The following KMT5A variants were observed in gnomAD, a reference collection of about 807,000 sequenced individuals.
KMT5A encodes the protein N-lysine methyltransferase KMT5A.
Under a neutral mutation model 40.6 loss-of-function variants are expected in KMT5A, and 6 were observed. That is an observed-to-expected ratio of 0.15 (90% CI 0.08 to 0.29). The LOEUF is 0.29. KMT5A is among the 10% of genes least tolerant of loss of function. The pLI is 1.00. For missense variants in KMT5A, 308 were observed against 459.1 expected (o/e 0.67, Z 3.01); for synonymous variants, 153 against 178.8 (o/e 0.86, Z 1.15).
rs184883228 is a variant in KMT5A, at chr12:123,391,203, T to C, written c.289+417T>C. 1.9e-3 allele frequency: 299 copies of C among 160,290 alleles called. 2 individuals carry two copies. Among genetic ancestry groups the C allele is most frequent in the Admixed American group, 6.0e-3 (100 of 16,730 alleles). The allele number at this position is 160,290 out of a possible 1,614,324, so 9.9% of individuals were successfully genotyped here. On this transcript the variant is annotated intron_variant, in intron 3 of 7. Coordinates refer to ENST00000402868, the MANE Select transcript of KMT5A (RefSeq NM_020382.7). ...AGCTGGCCTTGACCCCATTTCTTTTTCTTTTTTTGAGACGGATTTCCGCTC... is the reference window on the plus strand; with the variant it reads ...AGCTGGCCTTGACCCCATTTCTTTTCCTTTTTTTGAGACGGATTTCCGCTC...
chr12:123,393,263 T>G (rs1252036271), intron 3 of KMT5A, among the ~76,000 whole-genome samples: 1 of 152,070 alleles, frequency 6.6e-6, no homozygotes, highest in Non-Finnish European at 1.5e-5. Context: ...GAGTCGGTGG[T>G]TTTTAGTATA....
intron 4 of KMT5A, 73 bp downstream of exon 4, chr12:123,395,339 G>A (rs1877633234): frequency 6.8e-7 from 1 of 1,471,544 alleles, no homozygotes; most frequent in Non-Finnish European, 9.3e-7. Flanking sequence ...AGCCTGCTCA[G>A]GTGCCCATGG....
intron 2 of KMT5A, chr12:123,389,972 C>G: frequency 6.7e-6 from 3 of 445,824 alleles, no homozygotes; most frequent in South Asian, 4.8e-5. Context: ...CCGCAGTGAC[C>G]TGAACCGCCC....
At chr12:123,389,375 C>T (rs1877098754) in intron 1 of KMT5A, 58 bp from the exon 2 acceptor site, 1 of 1,012,896 alleles carries the variant, frequency 9.9e-7, no homozygotes, top group Non-Finnish European at 1.2e-6. Flanking sequence ...GCCCCGCTCC[C>T]CGCCCCGCCG....
At chr12:123,405,517 CTTTTTTTTTT>C (rs35093204) in intron 7 of KMT5A, among the ~76,000 whole-genome samples, 17 of 78,046 alleles carry the variant, frequency 2.2e-4, no homozygotes, top group African/African-American at 8.1e-4. Context: ...CGCCTGCTTC[CTTTTTTTTTT>C]TTTTTTTTTT....
intron 5 of KMT5A, among the ~76,000 whole-genome samples, chr12:123,398,092 G>A (rs539550279): frequency 1.3e-5 from 2 of 151,892 alleles, no homozygotes; most frequent in South Asian, 2.1e-4. Flanking sequence ...AGACCAGCCT[G>A]GCCAACATGG....
intron 5 of KMT5A, among the ~76,000 whole-genome samples, chr12:123,402,473 G>A (rs796160263): frequency 2.3e-4 from 35 of 152,350 alleles, no homozygotes; most frequent in African/African-American, 8.2e-4. Flanking sequence ...CTGTGTAGGG[G>A]GAATGGGCTG....
chr12:123,395,486 C>T (rs1877647427), intron 4 of KMT5A, among the ~76,000 whole-genome samples: 1 of 151,942 alleles, frequency 6.6e-6, no homozygotes, highest in Admixed American at 6.6e-5. Context: ...TCCTCCCCTC[C>T]TTACCCACCC....
At chr12:123,405,211 TGA>T in intron 7 of KMT5A, 137 bp downstream of exon 7, 1 of 886,842 alleles carries the variant, frequency 1.1e-6, no homozygotes. Context: ...TTTTATTTTT[TGA>T]GATGGAGTCT....
intron 7 of KMT5A, among the ~76,000 whole-genome samples, chr12:123,406,527 T>C (rs1430964404): frequency 6.6e-6 from 1 of 152,058 alleles, no homozygotes; most frequent in African/African-American, 2.4e-5. Flanking sequence ...GTGGCCAGGC[T>C]GGTTTTGAAA....
chr12:123,390,847 C>T (rs28660993), intron 3 of KMT5A, 61 bp downstream of exon 3: 1,412,938 of 1,580,376 alleles, frequency 0.89, 632,829 homozygotes, highest in Middle Eastern at 0.91. Flanking sequence ...AGCCTCTGTC[C>T]TCTGCAAGAA....
At chr12:123,403,272 C>T (rs1417179547) in intron 5 of KMT5A, among the ~76,000 whole-genome samples, 1 of 152,244 alleles carries the variant, frequency 6.6e-6, no homozygotes, top group Admixed American at 6.5e-5. Context: ...CATTTTTTAA[C>T]GTGCTGCATG....
At chr12:123,403,716 A>G (rs1878343641) in intron 6 of KMT5A, 84 bp downstream of exon 6, 1 of 1,522,346 alleles carries the variant, frequency 6.6e-7, no homozygotes. Flanking sequence ...AGTGGCCACC[A>G]TGTGGCTTTC....
chr12:123,388,728 A>G (rs1441202610), intron 1 of KMT5A: 2 of 124,810 alleles, frequency 1.6e-5, no homozygotes, highest in Admixed American at 8.7e-5. Flanking sequence ...CCGCAGAGCC[A>G]GCGGAAAAAG....
At chr12:123,397,900 C>T (rs577471464) in intron 5 of KMT5A, among the ~76,000 whole-genome samples, 149 of 151,072 alleles carry the variant, frequency 9.9e-4, no homozygotes, top group African/African-American at 3.5e-3. Flanking sequence ...CTCGAACTCT[C>T]GACCTCGGGT....
chr12:123,398,149 G>A (rs1877877888), intron 5 of KMT5A, among the ~76,000 whole-genome samples: 1 of 152,024 alleles, frequency 6.6e-6, no homozygotes, highest in African/African-American at 2.4e-5. Context: ...AGGCATGATG[G>A]CAGGTGCCTG....
chr12:123,399,917 G>T (rs770762513), intron 5 of KMT5A, among the ~76,000 whole-genome samples: 2 of 151,716 alleles, frequency 1.3e-5, no homozygotes, highest in African/African-American at 4.8e-5. Flanking sequence ...TCCACCTCCC[G>T]GGTTCAAGTG....
chr12:123,392,941 A>G (rs1877420444), intron 3 of KMT5A, among the ~76,000 whole-genome samples: 3 of 152,082 alleles, frequency 2.0e-5, no homozygotes, highest in African/African-American at 4.8e-5. Context: ...CAGTGGTGCA[A>G]TCTCGGCTCA....
At chr12:123,401,673 C>T (rs1234495892) in intron 5 of KMT5A, among the ~76,000 whole-genome samples, 2 of 152,010 alleles carry the variant, frequency 1.3e-5, no homozygotes, top group African/African-American at 4.8e-5. Context: ...ACTCCACCTC[C>T]TGGGTTCAAG....
Sources: gnomAD v4.1 joint callset for allele counts (sites outside exome capture counted in the v4.1 genomes callset) on GRCh38, gnomAD v4.1.1 for gene constraint, MANE v1.5 for transcripts, NCBI Gene and HGNC (gene_info 2026-07-23, HGNC 2026-07-21) for gene names.